ADAMTS19: variants seen among roughly 807,000 people sequenced by gnomAD.
ADAMTS19 encodes ADAM metallopeptidase with thrombospondin type 1 motif 19.
In ADAMTS19, 93 loss-of-function variants were observed where a neutral mutation model predicts 153.3. The observed-to-expected ratio is 0.61, with a 90% CI of 0.51 to 0.72. ADAMTS19 has a LOEUF of 0.72. ADAMTS19 is among the 30% of genes least tolerant of loss of function. The pLI is 0.00. For missense variants in ADAMTS19, 1,482 were observed against 1,552.1 expected, an observed-to-expected ratio of 0.95 and a Z score of 0.76; for synonymous variants, 600 against 556.6, an observed-to-expected ratio of 1.08 and a Z score of -1.10.
At chr5:129,643,167 G>GCACA (rs76876946) in intron 11 of ADAMTS19, among the ~76,000 whole-genome samples, 148 of 148,104 alleles carry the variant, frequency 1.0e-3, no homozygotes, top group African/African-American at 3.3e-3. Flanking sequence ...ACACACAAAA[G>GCACA]CACACACACA....
chr5:129,712,522 T>C (rs1413529126), intron 21 of ADAMTS19, among the ~76,000 whole-genome samples: 1 of 152,162 alleles, frequency 6.6e-6, no homozygotes, highest in Non-Finnish European at 1.5e-5. Flanking sequence ...CATGCAAAAT[T>C]TCCTAAACAA....
Position 129,634,457 on chromosome 5 carries a change from A to G in ADAMTS19, c.1771-7402A>G, listed in dbSNP as rs186202431. Among the ~76,000 whole-genome samples, 729 of 152,272 alleles carry G rather than the reference A, an allele frequency of 4.8e-3. 8 individuals are homozygous for G. Among genetic ancestry groups the G allele is most frequent in the African/African-American group, 0.016 (676 of 41,560 alleles). On this transcript the variant is annotated intron_variant, in intron 10 of 22. Coordinates refer to ENST00000274487, the MANE Select transcript of ADAMTS19 (RefSeq NM_133638.6). Reference sequence around the variant, plus strand: ...TTTTAAAAATCATATAGAAACAAAAACAAGCCCAAATAGCCAAGGCAATCA... The same window carrying G: ...TTTTAAAAATCATATAGAAACAAAAGCAAGCCCAAATAGCCAAGGCAATCA...
chr5:129,516,243 T>G (rs1411108678), intron 3 of ADAMTS19, among the ~76,000 whole-genome samples: 1 of 150,700 alleles, frequency 6.6e-6, no homozygotes, highest in Non-Finnish European at 1.5e-5. Context: ...AGCCTGTAGT[T>G]TTTTTTTTAA....
At chr5:129,578,073 CACACACATATATACATATACAT>C (rs1477733114) in intron 7 of ADAMTS19, among the ~76,000 whole-genome samples, 2 of 138,296 alleles carry the variant, frequency 1.4e-5, no homozygotes, top group Non-Finnish European at 3.2e-5. Flanking sequence ...CACACACACA[CACACACATATATACATATACAT>C]ACATATACAT....
intron 2 of ADAMTS19, among the ~76,000 whole-genome samples, chr5:129,476,134 T>C (rs912545592): frequency 6.6e-6 from 1 of 152,038 alleles, no homozygotes; most frequent in South Asian, 2.1e-4. Flanking sequence ...ACTTTGGTCT[T>C]TTTCATAGCA....
chr5:129,611,171 G>T (rs1245650831), intron 8 of ADAMTS19, among the ~76,000 whole-genome samples: 1 of 150,152 alleles, frequency 6.7e-6, no homozygotes, highest in Non-Finnish European at 1.5e-5. Flanking sequence ...TGAGTTCTTT[G>T]TAGATTCTGG....
At chr5:129,669,789 C>T (rs183992222) in intron 16 of ADAMTS19, among the ~76,000 whole-genome samples, 1 of 152,010 alleles carries the variant, frequency 6.6e-6, no homozygotes, top group East Asian at 1.9e-4. Flanking sequence ...TCATTTGTCT[C>T]CAGATAATTT....
At chr5:129,469,562 T>C (rs1749992058) in intron 2 of ADAMTS19, among the ~76,000 whole-genome samples, 2 of 152,200 alleles carry the variant, frequency 1.3e-5, no homozygotes, top group African/African-American at 4.8e-5. Context: ...GAAATATCTA[T>C]ATATGTGCAA....
chr5:129,564,274 G>A (rs1315704961), intron 7 of ADAMTS19, among the ~76,000 whole-genome samples: 1 of 152,042 alleles, frequency 6.6e-6, no homozygotes, highest in Non-Finnish European at 1.5e-5. Context: ...ACCCAGTCAC[G>A]CCCACCCAGA....
chr5:129,528,586 G>A lies in ADAMTS19; in HGVS notation c.1237G>A (p.Glu413Lys), dbSNP rs147510612. 1.3e-4 allele frequency: 212 copies of A among 1,606,764 alleles called. No homozygotes were observed. The highest frequency in any genetic ancestry group is 1.6e-4 in the Non-Finnish European group (192 of 1,176,900). ...LESFCKWQHE[E>K]FGKKNDIHLE... ...GAGTTTTTGTAAGTGGCAACATGAAGAATTTGGCAAAAAGAATGATATACA... is the reference window on the plus strand; with the variant it reads ...GAGTTTTTGTAAGTGGCAACATGAAAAATTTGGCAAAAAGAATGATATACA... The change falls in exon 6 of 23, where the codon GAA becomes AAA. Residue 413 changes from glutamate to lysine, a missense_variant. Physicochemically the swap from Glu to Lys is moderately conservative, Grantham distance 56. This residue lies in a region of ADAMTS19 where 866 missense variants were observed against 827.7 expected (regional missense o/e 1.05). Transcript: ENST00000274487.
intron 15 of ADAMTS19, among the ~76,000 whole-genome samples, chr5:129,659,690 C>T (rs1197243485): frequency 6.6e-6 from 1 of 152,070 alleles, no homozygotes; most frequent in East Asian, 1.9e-4. Context: ...AAACAATCCC[C>T]CCAACTCAGT....
At chr5:129,658,763 A>G (rs759659603) in intron 15 of ADAMTS19, 26 bp downstream of exon 15, 6 of 1,589,172 alleles carry the variant, frequency 3.8e-6, no homozygotes, top group Admixed American at 1.7e-5. Flanking sequence ...TTTTTCATAA[A>G]TATTAATCCC....
chr5:129,493,883 A>G (rs17163340), intron 2 of ADAMTS19, among the ~76,000 whole-genome samples: 17,242 of 152,096 alleles, frequency 0.11, 1,100 homozygotes, highest in Middle Eastern at 0.18. Flanking sequence ...ATGACAACCA[A>G]GATGGAAGAC....
intron 7 of ADAMTS19, among the ~76,000 whole-genome samples, chr5:129,558,746 T>C (rs1753400109): frequency 6.6e-6 from 1 of 152,128 alleles, no homozygotes; most frequent in Admixed American, 6.6e-5. Flanking sequence ...GATACCAAGA[T>C]ATAGTACACA....
intron 11 of ADAMTS19, among the ~76,000 whole-genome samples, chr5:129,642,915 A>G (rs1561622105): frequency 6.6e-6 from 1 of 152,170 alleles, no homozygotes; most frequent in African/African-American, 2.4e-5. Flanking sequence ...TCACACATGC[A>G]CACACAGATG....
intron 18 of ADAMTS19, among the ~76,000 whole-genome samples, chr5:129,693,503 G>T (rs1755424978): frequency 6.6e-6 from 1 of 152,080 alleles, no homozygotes; most frequent in Non-Finnish European, 1.5e-5. Context: ...GATCAATCTG[G>T]CGTCAAAATT....
intron 7 of ADAMTS19, among the ~76,000 whole-genome samples, chr5:129,572,342 G>A (rs552975897): frequency 6.6e-6 from 1 of 151,990 alleles, no homozygotes; most frequent in South Asian, 2.1e-4. Flanking sequence ...CTTCACAACC[G>A]CTTTGGAAAA....
At chr5:129,535,127 C>T (rs957655977) in intron 6 of ADAMTS19, among the ~76,000 whole-genome samples, 1 of 152,066 alleles carries the variant, frequency 6.6e-6, no homozygotes, top group Non-Finnish European at 1.5e-5. Context: ...TCAAATTGTC[C>T]CTGTTTGCAG....
At chr5:129,586,416 A>C (rs988456423) in intron 7 of ADAMTS19, among the ~76,000 whole-genome samples, 1 of 152,156 alleles carries the variant, frequency 6.6e-6, no homozygotes, top group African/African-American at 2.4e-5. Flanking sequence ...ACATAGTTGA[A>C]ATCATGCAAT....
Sources: allele counts gnomAD v4.1 joint callset (sites outside exome capture counted in the v4.1 genomes callset), GRCh38; gene constraint gnomAD v4.1.1; regional missense constraint gnomAD v4.1.1; transcripts MANE v1.5; gene names NCBI Gene and HGNC (gene_info 2026-07-23, HGNC 2026-07-21).